CTCF: variants seen among roughly 807,000 people sequenced by gnomAD.
CTCF encodes the protein CCCTC-binding factor, also known as transcriptional repressor CTCF.
In CTCF, 7 loss-of-function variants were observed where a neutral mutation model predicts 72.3. The observed-to-expected ratio is 0.10, with a 90% CI of 0.06 to 0.18. CTCF has a LOEUF of 0.18. Ranked by LOEUF, CTCF falls within the 10% of genes least tolerant of loss-of-function variation. The pLI, the probability that CTCF is intolerant of heterozygous loss-of-function variation, is 1.00. For missense variants in CTCF, 516 were observed against 949.1 expected (o/e 0.54, Z 6.00); for synonymous variants, 374 against 315.8 (o/e 1.18, Z -1.95).
At chr16:67,576,627 C>G (rs900608569) in intron 2 of CTCF, among the ~76,000 whole-genome samples, 2 of 144,274 alleles carry the variant, frequency 1.4e-5, no homozygotes, top group East Asian at 2.0e-4. Context: ...GATCTCTGCT[C>G]ACTGCAAACT....
chr16:67,617,411 A>G (rs1053940945), intron 5 of CTCF, among the ~76,000 whole-genome samples: 3 of 152,218 alleles, frequency 2.0e-5, no homozygotes, highest in Non-Finnish European at 4.4e-5. Context: ...AGGCAGGAGA[A>G]TGGCGTGAAC....
intron 7 of CTCF, among the ~76,000 whole-genome samples, chr16:67,624,119 G>GTGTA (rs1555535514): frequency 5.7e-5 from 7 of 121,836 alleles, no homozygotes; most frequent in East Asian, 2.1e-4. Context: ...GTGTGTGTAT[G>GTGTA]TGTGTGTATA....
intron 2 of CTCF, among the ~76,000 whole-genome samples, chr16:67,571,870 A>G (rs1422156677): frequency 6.6e-6 from 1 of 152,198 alleles, no homozygotes; most frequent in Non-Finnish European, 1.5e-5. Context: ...TGGACATTAT[A>G]TGGAACTTGG....
At chr16:67,611,659 T>C (rs1252551148) in intron 3 of CTCF, 46 bp downstream of exon 3, 1 of 1,551,276 alleles carries the variant, frequency 6.4e-7, no homozygotes, top group African/African-American at 1.4e-5. Context: ...CATTTTGGGA[T>C]AAGCATACAA....
chr16:67,592,613 T>C (rs1197441000), intron 2 of CTCF, among the ~76,000 whole-genome samples: 1 of 150,550 alleles, frequency 6.6e-6, no homozygotes, highest in African/African-American at 2.5e-5. Flanking sequence ...GCTGAGACAT[T>C]AGAATTATTT....
intron 2 of CTCF, among the ~76,000 whole-genome samples, chr16:67,601,217 GGTGTGTGTGTGTGTGTGTGTGT>G (rs59655549): frequency 6.2e-5 from 8 of 128,304 alleles, no homozygotes; most frequent in Non-Finnish European, 9.9e-5. Flanking sequence ...TGCACTAAGG[GGTGTGTGTGTGTGTGTGTGTGT>G]GTGTGTGTGT....
chr16:67,594,383 CAAA>C (rs749617312), intron 2 of CTCF, among the ~76,000 whole-genome samples: 12 of 68,552 alleles, frequency 1.8e-4, no homozygotes, highest in African/African-American at 2.8e-4. Flanking sequence ...GACCCTGTCT[CAAA>C]AAAAAAAAAA....
At chr16:67,590,028 A>G (rs1380665649) in intron 2 of CTCF, among the ~76,000 whole-genome samples, 3 of 152,178 alleles carry the variant, frequency 2.0e-5, no homozygotes, top group Non-Finnish European at 4.4e-5. Flanking sequence ...CGGCCGTTGC[A>G]GTGAGCCAAG....
rs115640304 is a variant in CTCF, at chr16:67,633,636, G to A, written c.1838-3054G>A. On this transcript the variant is annotated intron_variant, in intron 10 of 11. Coordinates refer to ENST00000264010, the MANE Select transcript of CTCF (RefSeq NM_006565.4). ...GTAAGAATTTCTGGCCAGGCGTGATGGATGAAGCCTGTAATCCTAACACTT... is the reference window on the plus strand; with the variant it reads ...GTAAGAATTTCTGGCCAGGCGTGATAGATGAAGCCTGTAATCCTAACACTT... Among the ~76,000 whole-genome samples, 739 of 152,226 alleles carry A rather than the reference G, an allele frequency of 4.9e-3. 5 individuals are homozygous for A. Among genetic ancestry groups the A allele is most frequent in the African/African-American group, 0.017 (713 of 41,530 alleles).
In CTCF at chr16:67,565,162, C is replaced by T. The variant is rs559927793; in HGVS notation, c.-127+2438C>T. Among the ~76,000 whole-genome samples the T allele has an allele frequency of 1.6e-3, 244 of 152,014 alleles. 1 individual carries two copies. Among genetic ancestry groups the T allele is most frequent in the African/African-American group, 5.6e-3 (232 of 41,498 alleles). On this transcript the variant is annotated intron_variant, in intron 1 of 11. Transcript: ENST00000264010. ...AATTACAGGCCCGTGCCACCACGCC[C>T]GGCTAATTTTTGTATTTTTAGTAGA...
At chr16:67,580,991 C>T (rs1177184904) in intron 2 of CTCF, among the ~76,000 whole-genome samples, 1 of 151,880 alleles carries the variant, frequency 6.6e-6, no homozygotes, top group Non-Finnish European at 1.5e-5. Flanking sequence ...TGCAGTGGCG[C>T]TATCTTGGCT....
At chr16:67,588,190 G>C (rs2051694161) in intron 2 of CTCF, among the ~76,000 whole-genome samples, 1 of 152,126 alleles carries the variant, frequency 6.6e-6, no homozygotes, top group African/African-American at 2.4e-5. Context: ...CACCAGAATA[G>C]GTTTGGGAAT....
chr16:67,569,617 TA>T (rs1232120129), intron 1 of CTCF, among the ~76,000 whole-genome samples: 4 of 151,994 alleles, frequency 2.6e-5, no homozygotes, highest in African/African-American at 4.8e-5. Flanking sequence ...GTTATTCGAC[TA>T]AAAAAACTGT....
chr16:67,587,098 A>G (rs2051678655), intron 2 of CTCF, among the ~76,000 whole-genome samples: 1 of 140,190 alleles, frequency 7.1e-6, no homozygotes, highest in Non-Finnish European at 1.5e-5. Context: ...AACTTCTTAA[A>G]CATTTTTTTT....
chr16:67,604,141 AAAAAG>A (rs1329860729), intron 2 of CTCF, among the ~76,000 whole-genome samples: 135 of 151,234 alleles, frequency 8.9e-4, no homozygotes, highest in Non-Finnish European at 1.5e-3. Context: ...AAAAAAAAAA[AAAAAG>A]AAAAGAAAAG....
At chr16:67,604,964 A>ATTTTTTT (rs34873720) in intron 2 of CTCF, among the ~76,000 whole-genome samples, 2 of 73,780 alleles carry the variant, frequency 2.7e-5, no homozygotes, top group South Asian at 4.9e-4. Flanking sequence ...TATAAATGGG[A>ATTTTTTT]TTTTTTTTTT....
intron 5 of CTCF, among the ~76,000 whole-genome samples, chr16:67,617,663 C>A (rs1410431106): frequency 6.6e-6 from 1 of 152,088 alleles, no homozygotes; most frequent in African/African-American, 2.4e-5. Flanking sequence ...GCCTGGGCAA[C>A]AAGAGTGAAA....
At chr16:67,631,150 G>GTTTTTTTTTTTTTTT (rs1472086135) in intron 10 of CTCF, among the ~76,000 whole-genome samples, 2 of 132,532 alleles carry the variant, frequency 1.5e-5, no homozygotes, top group African/African-American at 6.4e-5. Context: ...TTTGTTCTTT[G>GTTTTTTTTTTTTTTT]TTTGTTTTTT....
chr16:67,610,270 G>A (rs75760574), intron 2 of CTCF, among the ~76,000 whole-genome samples: 4,678 of 151,928 alleles, frequency 0.031, 88 homozygotes, highest in Middle Eastern at 0.14. Context: ...TAATTGGGTT[G>A]GATCTAGAGA....
Sources: allele counts gnomAD v4.1 joint callset (sites outside exome capture counted in the v4.1 genomes callset), GRCh38; gene constraint gnomAD v4.1.1; transcripts MANE v1.5; gene names NCBI Gene and HGNC (gene_info 2026-07-23, HGNC 2026-07-21).